Variants in ASH1L observed in about 807,000 individuals in gnomAD.
The protein encoded by ASH1L is histone-lysine N-methyltransferase ASH1L.
ASH1L carries 23 observed loss-of-function variants against 269.0 expected under a neutral mutation model. The ratio of observed to expected loss-of-function variants is 0.09; its 90% CI spans 0.06 to 0.12. The LOEUF is 0.12. Among genes scored for constraint, ASH1L ranks in the 10% least tolerant of loss-of-function variants. The pLI, the probability that ASH1L is intolerant of heterozygous loss-of-function variation, is 1.00. For missense variants in ASH1L, 2,912 were observed against 3,567.8 expected (o/e 0.82, Z 4.68); for synonymous variants, 1,187 against 1,253.5 (o/e 0.95, Z 1.12).
intron 5 of ASH1L, among the ~76,000 whole-genome samples, chr1:155,428,393 G>A (rs1661334731): frequency 6.6e-6 from 1 of 151,546 alleles, no homozygotes; most frequent in Non-Finnish European, 1.5e-5. Flanking sequence ...AGTAAGCCGA[G>A]ATTGTGCCAC....
rs964512013 is a variant in ASH1L at position 155,508,577 on chromosome 1, T to C, written c.420+12523A>G. 4.6e-5 allele frequency among the ~76,000 whole-genome samples: 7 copies of C among 152,304 alleles called. No homozygotes were observed. The South Asian group carries it at 8.3e-4, about 18-fold the overall frequency. On this transcript the variant is annotated intron_variant, in intron 2 of 27. Coordinates refer to ENST00000392403, the MANE Select transcript of ASH1L (RefSeq NM_018489.3). ...TCACTTGAACCCCAGAAGGCGGAGATTGCAGTGAGCCAAGATTGCACCACT... is the reference window on the plus strand; with the variant it reads ...TCACTTGAACCCCAGAAGGCGGAGACTGCAGTGAGCCAAGATTGCACCACT...
At chr1:155,383,002 C>A (rs184394808) in intron 7 of ASH1L, among the ~76,000 whole-genome samples, 1 of 152,064 alleles carries the variant, frequency 6.6e-6, no homozygotes, top group Non-Finnish European at 1.5e-5. Context: ...GGATTACAGG[C>A]GTAAGCCGCC....
At chr1:155,421,755 C>G (rs985846123) in intron 5 of ASH1L, among the ~76,000 whole-genome samples, 3 of 151,614 alleles carry the variant, frequency 2.0e-5, no homozygotes, top group African/African-American at 7.3e-5. Context: ...CAATGTGATA[C>G]TAGCTACACA....
At chr1:155,423,241 G>A (rs550195337) in intron 5 of ASH1L, among the ~76,000 whole-genome samples, 12 of 144,416 alleles carry the variant, frequency 8.3e-5, no homozygotes, top group South Asian at 5.1e-4. Context: ...GAGCCACCAC[G>A]CCTGGACATG....
chr1:155,378,034 A>T (rs1656615405), intron 10 of ASH1L, among the ~76,000 whole-genome samples: 1 of 151,954 alleles, frequency 6.6e-6, no homozygotes, highest in Non-Finnish European at 1.5e-5. Flanking sequence ...AAAAAAAAAC[A>T]AAACAAAACA....
At chr1:155,435,641 A>C (rs1042839671) in intron 5 of ASH1L, among the ~76,000 whole-genome samples, 4 of 151,958 alleles carry the variant, frequency 2.6e-5, no homozygotes, top group East Asian at 1.9e-4. Flanking sequence ...AAAAAAAAAA[A>C]CCCTCTCTAT....
chr1:155,483,807 T>C (rs1412365106), intron 2 of ASH1L, among the ~76,000 whole-genome samples: 1 of 151,640 alleles, frequency 6.6e-6, no homozygotes, highest in Admixed American at 6.6e-5. Flanking sequence ...TATTGAGAAA[T>C]TGTCAACAAA....
intron 2 of ASH1L, among the ~76,000 whole-genome samples, chr1:155,493,931 GCACT>G (rs1230809854): frequency 6.6e-6 from 1 of 151,954 alleles, no homozygotes; most frequent in Non-Finnish European, 1.5e-5. Flanking sequence ...CTACTATTGA[GCACT>G]GAGGATAACA....
In ASH1L at chr1:155,481,346, G is replaced by A. The variant is rs745621813; in HGVS notation, c.1524C>T (p.Ser508=). The change falls in exon 3 of 28, where the codon TCC becomes TCT. Residue 508 remains serine, a synonymous_variant. Coordinates refer to ENST00000392403, the MANE Select transcript of ASH1L (RefSeq NM_018489.3). ...GTCIQQDSFS[S]SEKGSYETSK... ...AGGTTTCATAAGATCCCTTTTCACTGGATGAGAAACTGTCTTGCTGAATGC... is the reference window on the plus strand; with the variant it reads ...AGGTTTCATAAGATCCCTTTTCACTAGATGAGAAACTGTCTTGCTGAATGC... 1.2e-6 allele frequency: 2 copies of A among 1,614,110 alleles called. No homozygotes were observed. Among genetic ancestry groups the A allele is most frequent in the South Asian group, 2.2e-5 (2 of 91,078 alleles).
At chr1:155,376,909 C>CT (rs1004889305) in intron 10 of ASH1L, among the ~76,000 whole-genome samples, 9 of 148,892 alleles carry the variant, frequency 6.0e-5, no homozygotes, top group East Asian at 2.0e-4. Context: ...ACTCATAATT[C>CT]TTTTTTTTTG....
At chr1:155,544,116 C>T (rs1004253749) in intron 1 of ASH1L, among the ~76,000 whole-genome samples, 2 of 151,972 alleles carry the variant, frequency 1.3e-5, no homozygotes, top group Non-Finnish European at 2.9e-5. Context: ...GTTGCCCAGG[C>T]TTGTCTCAAA....
chr1:155,552,095 A>T (rs1019326636), intron 1 of ASH1L, among the ~76,000 whole-genome samples: 5 of 152,382 alleles, frequency 3.3e-5, no homozygotes, highest in African/African-American at 1.2e-4. Context: ...GTCCTAAGAC[A>T]GCAAAGCAGG....
At chr1:155,411,632 G>GTTCC (rs1323534437) in intron 6 of ASH1L, among the ~76,000 whole-genome samples, 4 of 75,780 alleles carry the variant, frequency 5.3e-5, no homozygotes, top group Non-Finnish European at 1.0e-4. Flanking sequence ...TTCATCCATG[G>GTTCC]TTCCTGGCTC....
intron 15 of ASH1L, among the ~76,000 whole-genome samples, chr1:155,355,289 G>A (rs1001024332): frequency 2.6e-5 from 4 of 152,232 alleles, no homozygotes; most frequent in Non-Finnish European, 5.9e-5. Flanking sequence ...GACATCAGGT[G>A]ATCCACCCGC....
chr1:155,384,651 C>T (rs1201683872), intron 7 of ASH1L, among the ~76,000 whole-genome samples: 1 of 152,004 alleles, frequency 6.6e-6, no homozygotes, highest in African/African-American at 2.4e-5. Context: ...AATCAGCCTC[C>T]CAAGGTATTT....
intron 19 of ASH1L, 46 bp from the exon 20 acceptor site, chr1:155,347,950 G>T (rs1029562855): frequency 6.2e-7 from 1 of 1,606,582 alleles, no homozygotes; most frequent in East Asian, 2.2e-5. Context: ...TCTCAATGTG[G>T]CTTAACAATT....
chr1:155,477,706 AT>A (rs1228332729), intron 3 of ASH1L, among the ~76,000 whole-genome samples, 179 bp downstream of exon 3: 2 of 152,170 alleles, frequency 1.3e-5, no homozygotes, highest in Non-Finnish European at 1.5e-5. Context: ...AAACAAAAAA[AT>A]AATATAGACA....
chr1:155,530,596 C>T (rs535332252), intron 1 of ASH1L, among the ~76,000 whole-genome samples: 1 of 151,258 alleles, frequency 6.6e-6, no homozygotes, highest in Non-Finnish European at 1.5e-5. Flanking sequence ...ATTAGCTGGG[C>T]ATGGTGGCAC....
At position 155,486,960 on chromosome 1, in the gene ASH1L, G is replaced by A. The variant is rs1041473064; in HGVS notation, c.421-4511C>T. On this transcript the variant is annotated intron_variant, in intron 2 of 27. Transcript: ENST00000392403. ...GCGGGCAGATCACTCAAAGTCAGGA[G>A]TTCAAGACCAGACTGACCAACAGGG... Among the ~76,000 whole-genome samples the A allele has an allele frequency of 3.3e-5, 5 of 152,142 alleles. No homozygotes were observed. The East Asian group carries it at 5.8e-4, about 18-fold the overall frequency.
Sources: allele counts gnomAD v4.1 joint callset (sites outside exome capture counted in the v4.1 genomes callset), GRCh38; gene constraint gnomAD v4.1.1; transcripts MANE v1.5; gene names NCBI Gene and HGNC (gene_info 2026-07-23, HGNC 2026-07-21).